DPP6: variants seen among roughly 807,000 people sequenced by gnomAD.
The protein encoded by DPP6 is A-type potassium channel modulatory protein DPP6.
Under a neutral mutation model 122.6 loss-of-function variants are expected in DPP6, and 69 were observed. The observed-to-expected ratio is 0.56, with a 90% CI of 0.46 to 0.69. The LOEUF (loss-of-function observed/expected upper bound fraction) is 0.69. DPP6 is among the 30% of genes least tolerant of loss of function. DPP6 has a pLI of 0.00. For synonymous variants in DPP6, 418 were observed against 433.1 expected, an observed-to-expected ratio of 0.97 and a Z score of 0.43; for missense variants, 928 against 1,116.9, an observed-to-expected ratio of 0.83 and a Z score of 2.41.
In DPP6 at chr7:154,020,481, G is replaced by C. The variant is rs563129663; in HGVS notation, c.51+132747G>C. 8.6e-4 allele frequency among the ~76,000 whole-genome samples: 130 copies of C among 151,986 alleles called. 1 individual carries two copies. Among genetic ancestry groups the C allele is most frequent in the African/African-American group, 3.1e-3 (128 of 41,460 alleles). On this transcript the variant is annotated intron_variant, in intron 1 of 25. Transcript: ENST00000404039. ...ATTAAAAGATTAGCCTAGAGTCTCA[G>C]GTAGTTCAAGAGTCAGAGTTGGGAC...
At chr7:153,796,475 C>T in the DPP6 span, among the ~76,000 whole-genome samples, 6 of 149,252 alleles carry the variant, frequency 4.0e-5, no homozygotes, top group Admixed American at 4.0e-4. Context: ...ATTTGATTTG[C>T]CCAAATTGAA....
intron 8 of DPP6, among the ~76,000 whole-genome samples, chr7:154,753,936 G>T (rs1263126114): frequency 6.6e-6 from 1 of 152,180 alleles, no homozygotes; most frequent in Non-Finnish European, 1.5e-5. Flanking sequence ...TGAAAGGCCG[G>T]CTCTTGTTCT....
At chr7:153,774,300 C>A in the DPP6 span, among the ~76,000 whole-genome samples, 1 of 152,076 alleles carries the variant, frequency 6.6e-6, no homozygotes, top group South Asian at 2.1e-4. Flanking sequence ...GTCCTTTTCA[C>A]CGGAAGGTAC....
At chr7:154,007,831 C>T (rs1797977894) in intron 1 of DPP6, among the ~76,000 whole-genome samples, 1 of 152,088 alleles carries the variant, frequency 6.6e-6, no homozygotes, top group Non-Finnish European at 1.5e-5. Flanking sequence ...GGTCACACAC[C>T]TCGGGATCCT....
intron 1 of DPP6, among the ~76,000 whole-genome samples, chr7:154,014,737 T>C (rs965711290): frequency 1.3e-5 from 2 of 152,066 alleles, no homozygotes; most frequent in Admixed American, 6.5e-5. Context: ...TTTCTGTCCA[T>C]CCTCTTACTT....
chr7:154,676,192 A>G (rs1347893810), intron 7 of DPP6, among the ~76,000 whole-genome samples: 259 of 146,070 alleles, frequency 1.8e-3, no homozygotes, highest in Middle Eastern at 0.011. Flanking sequence ...ACAGCCTTGC[A>G]GCGTGCTGTC....
At chr7:154,840,197 G>A (rs752419898) in intron 16 of DPP6, among the ~76,000 whole-genome samples, 2 of 152,198 alleles carry the variant, frequency 1.3e-5, no homozygotes, top group Non-Finnish European at 2.9e-5. Flanking sequence ...TTGCTTGCAG[G>A]TAGTGACATC....
chr7:154,422,282 C>G (rs1293086395), intron 1 of DPP6, among the ~76,000 whole-genome samples: 3 of 152,092 alleles, frequency 2.0e-5, no homozygotes, highest in Admixed American at 6.5e-5. Context: ...AGACAAAGAG[C>G]AGATGGAAAA....
chr7:154,492,721 A>C (rs1824387892), intron 3 of DPP6, among the ~76,000 whole-genome samples: 1 of 152,230 alleles, frequency 6.6e-6, no homozygotes. Flanking sequence ...ATAAGAGAGC[A>C]GATATGACTT....
chr7:153,954,564 C>T (rs1031634546), intron 1 of DPP6, among the ~76,000 whole-genome samples: 3 of 152,152 alleles, frequency 2.0e-5, no homozygotes, highest in African/African-American at 7.2e-5. Context: ...TGTGTTCAAA[C>T]ATTATTCTGG....
intron 1 of DPP6, among the ~76,000 whole-genome samples, chr7:154,299,987 AGGCTAGATT>A (rs1012977580): frequency 8.5e-5 from 13 of 152,356 alleles, no homozygotes; most frequent in Admixed American, 5.2e-4. Flanking sequence ...AGAATGGCTA[AGGCTAGATT>A]GGCTTTCCCA....
chr7:154,607,242 A>C (rs1833615527), intron 5 of DPP6, among the ~76,000 whole-genome samples: 1 of 119,728 alleles, frequency 8.4e-6, no homozygotes, highest in African/African-American at 2.7e-5. Context: ...TGTTCCCATG[A>C]AGCAGAGAAA....
intron 12 of DPP6, among the ~76,000 whole-genome samples, chr7:154,797,671 G>A (rs1385623358): frequency 2.0e-5 from 3 of 152,094 alleles, no homozygotes; most frequent in Middle Eastern, 3.2e-3. Flanking sequence ...AATGAACAGG[G>A]GTTTATTTTG....
intron 1 of DPP6, among the ~76,000 whole-genome samples, chr7:153,975,896 C>T (rs1796276272): frequency 6.6e-6 from 1 of 152,184 alleles, no homozygotes; most frequent in African/African-American, 2.4e-5. Context: ...TCAGTCTTTC[C>T]ATGTGTAGGA....
chr7:154,044,154 G>C (rs948093042), intron 1 of DPP6, among the ~76,000 whole-genome samples: 29 of 152,170 alleles, frequency 1.9e-4, no homozygotes, highest in Admixed American at 1.7e-3. Flanking sequence ...GGCAATTTCG[G>C]TGTACCTCTC....
intron 6 of DPP6, among the ~76,000 whole-genome samples, chr7:154,663,611 G>A (rs1347772314): frequency 2.0e-5 from 1 of 48,784 alleles, no homozygotes; most frequent in African/African-American, 4.0e-5. Context: ...TGGCGTGTTG[G>A]CCCTAGTGTT....
chr7:154,878,006 G>A (rs1328113610), intron 20 of DPP6, among the ~76,000 whole-genome samples: 1 of 152,230 alleles, frequency 6.6e-6, no homozygotes, highest in Non-Finnish European at 1.5e-5. Context: ...GGCTTCCTGG[G>A]TGGGGGCACG....
intron 1 of DPP6, among the ~76,000 whole-genome samples, chr7:153,973,025 G>A (rs976732521): frequency 2.6e-5 from 4 of 151,842 alleles, no homozygotes; most frequent in African/African-American, 9.7e-5. Context: ...ATTAGGTCTT[G>A]TGTAAATAGG....
At chr7:154,425,604 ATG>A (rs56126099) in intron 1 of DPP6, among the ~76,000 whole-genome samples, 2 of 128,282 alleles carry the variant, frequency 1.6e-5, no homozygotes. Context: ...GGGGAAAAAA[ATG>A]TGTGTGTGTG....
Sources: allele counts gnomAD v4.1 joint callset (sites outside exome capture counted in the v4.1 genomes callset), GRCh38; gene constraint gnomAD v4.1.1; transcripts MANE v1.5; gene names NCBI Gene and HGNC (gene_info 2026-07-23, HGNC 2026-07-21).